Variants in MED4 observed in about 807,000 individuals in gnomAD.
MED4 encodes mediator complex subunit 4.
MED4 carries 21 observed loss-of-function variants against 35.0 expected under a neutral mutation model. The observed-to-expected ratio is 0.60, with a 90% CI of 0.43 to 0.86. The LOEUF is 0.86. Among genes scored for constraint, MED4 ranks in the 40% least tolerant of loss-of-function variants. The pLI is 0.00. For missense variants in MED4, 300 were observed against 319.4 expected (o/e 0.94, Z 0.46); for synonymous variants, 138 against 114.0 (o/e 1.21, Z -1.34).
intron 3 of MED4, 47 bp from the exon 4 acceptor site, chr13:48,083,475 T>A (rs538426051): frequency 6.5e-7 from 1 of 1,529,388 alleles, no homozygotes; most frequent in East Asian, 2.3e-5. Flanking sequence ...TTCAACTATA[T>A]CAAACTTAGT....
chr13:48,086,149 G>C (rs1950847042), intron 3 of MED4, 133 bp downstream of exon 3: 2 of 768,976 alleles, frequency 2.6e-6, no homozygotes, highest in South Asian at 3.7e-5. Flanking sequence ...ACTGGCAATG[G>C]TGAGTGACAA....
At chr13:48,077,820 ACTC>A (rs1482032126) in intron 6 of MED4, among the ~76,000 whole-genome samples, 1 of 152,078 alleles carries the variant, frequency 6.6e-6, no homozygotes, top group Non-Finnish European at 1.5e-5. Flanking sequence ...AAATCATACT[ACTC>A]TGTAAGAAAC....
At chr13:48,088,263 T>A (rs1950866848) in intron 2 of MED4, among the ~76,000 whole-genome samples, 2 of 152,232 alleles carry the variant, frequency 1.3e-5, no homozygotes, top group Non-Finnish European at 2.9e-5. Context: ...TCAGAATCAA[T>A]TTTAAAACTA....
chr13:48,088,095 T>C (rs549658346), intron 2 of MED4, among the ~76,000 whole-genome samples: 14 of 152,298 alleles, frequency 9.2e-5, no homozygotes, highest in East Asian at 1.9e-4. Flanking sequence ...TGAGGATTCA[T>C]GATATATTGC....
At chr13:48,085,393 G>T (rs565537089) in intron 3 of MED4, among the ~76,000 whole-genome samples, 1 of 152,032 alleles carries the variant, frequency 6.6e-6, no homozygotes. Context: ...GACTGGTCTC[G>T]AACTGAGACT....
At chr13:48,079,143 T>C (rs1950785209) in intron 6 of MED4, among the ~76,000 whole-genome samples, 1 of 152,172 alleles carries the variant, frequency 6.6e-6, no homozygotes, top group Admixed American at 6.5e-5. Context: ...CTCACAGAAA[T>C]ACTATTTTAT....
At chr13:48,085,558 C>T (rs1288192461) in intron 3 of MED4, among the ~76,000 whole-genome samples, 2 of 152,118 alleles carry the variant, frequency 1.3e-5, no homozygotes, top group African/African-American at 2.4e-5. Context: ...GATTAATTTA[C>T]CCTGAACTGC....
rs1327720548 is a variant in MED4, at chr13:48,079,943, C to T, written c.541G>A (p.Glu181Lys). Residue 181 changes from glutamate (E) to lysine (K), a missense_variant, in exon 6 of 7, where the codon GAG becomes AAG. Physicochemically the swap from Glu to Lys is moderately conservative, Grantham distance 56. Transcript: ENST00000258648. ...DPRRPYPTDLEMRSGLLGQMN... is the reference protein window; with the variant it reads ...DPRRPYPTDLKMRSGLLGQMN... ...TGACCCAGTAACCCACTTCTCATCT[C>T]TAAATCAGTTGGGTAGGGTCTCCGG... 6.2e-7 allele frequency: 1 copy of T among 1,613,908 alleles called. No individual in the cohort carries two copies. Among genetic ancestry groups the T allele is most frequent in the Non-Finnish European group, 8.5e-7 (1 of 1,179,838 alleles).
At position 48,080,468 on chromosome 13, in the gene MED4, T is replaced by C. The variant is rs368512044; in HGVS notation, c.509-493A>G. ...CTTATAAATTGTTATTAATAGCATA[T>C]TACTTTTTAAAATACACGCATTTTA... On this transcript the variant is annotated intron_variant, in intron 5 of 6. Coordinates refer to ENST00000258648, the MANE Select transcript of MED4 (RefSeq NM_014166.4). Among the ~76,000 whole-genome samples, 7 of 151,494 alleles carry C rather than the reference T, an allele frequency of 4.6e-5. No individual in the cohort carries two copies. In the East Asian group the frequency reaches 1.2e-3, roughly 25 times the overall value.
At chr13:48,080,258 G>T (rs1315636909) in intron 5 of MED4, among the ~76,000 whole-genome samples, 4 of 151,074 alleles carry the variant, frequency 2.6e-5, no homozygotes, top group African/African-American at 9.7e-5. Flanking sequence ...TTAGTCAGGC[G>T]TGGTGGCACG....
In MED4 at chr13:48,076,924, C is replaced by G; in HGVS notation, c.*215G>C. On this transcript the variant is annotated 3_prime_UTR_variant, in exon 7 of 7. Transcript: ENST00000258648. ...TTTTCAACAGTAAATTTTGACTATT[C>G]CCCTAAATATCTACCTAGTGGCTTA... The G allele has an allele frequency of 2.3e-6, 1 of 442,308 alleles. No homozygotes were observed. The highest frequency in any genetic ancestry group is 3.8e-5 in the South Asian group (1 of 26,264). The allele number at this position is 442,308 out of a possible 1,614,324, so 27.4% of individuals were successfully genotyped here.
At chr13:48,093,114 C>G (rs1258450165) in intron 1 of MED4, among the ~76,000 whole-genome samples, 1 of 152,164 alleles carries the variant, frequency 6.6e-6, no homozygotes, top group Non-Finnish European at 1.5e-5. Context: ...CACAATTCCC[C>G]ATAGAAATAA....
At chr13:48,088,268 A>G (rs1195019106) in intron 2 of MED4, among the ~76,000 whole-genome samples, 5 of 152,248 alleles carry the variant, frequency 3.3e-5, no homozygotes, top group Non-Finnish European at 5.9e-5. Context: ...ATCAATTTTA[A>G]AACTATTTAA....
intron 2 of MED4, among the ~76,000 whole-genome samples, chr13:48,087,447 A>G (rs1469619112): frequency 6.6e-6 from 1 of 152,218 alleles, no homozygotes; most frequent in Non-Finnish European, 1.5e-5. Context: ...CCAAGAACTT[A>G]AGAAAACTTT....
chr13:48,081,752 C>T (rs765164248), intron 4 of MED4, 21 bp from the exon 5 acceptor site: 2 of 1,494,878 alleles, frequency 1.3e-6, no homozygotes, highest in South Asian at 2.4e-5. Context: ...TTTAAGAGGA[C>T]AGTATAACCT....
intron 6 of MED4, among the ~76,000 whole-genome samples, chr13:48,078,012 G>A (rs1228875008): frequency 6.6e-6 from 1 of 152,086 alleles, no homozygotes; most frequent in Non-Finnish European, 1.5e-5. Flanking sequence ...AGATTTGAAT[G>A]ATTTCTTGAT....
In MED4 at chr13:48,077,033, T is replaced by C. The variant is rs1950764602; in HGVS notation, c.*106A>G. On this transcript the variant is annotated 3_prime_UTR_variant, in exon 7 of 7. Transcript: ENST00000258648. ...GACTGCACAATTCTACCAAAGCCAG[T>C]GTTTACCTGGGTATTTTTTGTCACC... 1 of 984,840 alleles carries C rather than the reference T, an allele frequency of 1.0e-6. No homozygotes were observed. Among genetic ancestry groups the C allele is most frequent in the Non-Finnish European group, 1.4e-6 (1 of 708,314 alleles). The allele number at this position is 984,840 out of a possible 1,614,324, so 61.0% of individuals were successfully genotyped here. A position where few individuals can be genotyped will look rare whatever the true frequency, so the allele number is the denominator to read the frequency against.
At chr13:48,083,075 A>C (rs1339423677) in intron 4 of MED4, among the ~76,000 whole-genome samples, 2 of 152,112 alleles carry the variant, frequency 1.3e-5, no homozygotes, top group Non-Finnish European at 2.9e-5. Context: ...CTTCTAACCC[A>C]TACTTCTCTT....
chr13:48,090,402 G>A lies in MED4; in HGVS notation c.142C>T (p.Leu48=). ...AACTTTTGGTTTCTTGAAATTGCCA[G>A]CATTTCTATAAGTTCCCTAAAAAAA... ...EVLSRELIEM[L]AISRNQKLLQ... Residue 48 remains leucine (L), a synonymous_variant, in exon 2 of 7, where the codon CTG becomes TTG. Transcript: ENST00000258648. 1 of 1,592,150 alleles carries A rather than the reference G, an allele frequency of 6.3e-7. No individual in the cohort carries two copies. Among genetic ancestry groups the A allele is most frequent in the Non-Finnish European group, 8.5e-7 (1 of 1,171,608 alleles).
Sources: allele counts gnomAD v4.1 joint callset (sites outside exome capture counted in the v4.1 genomes callset), GRCh38; gene constraint gnomAD v4.1.1; transcripts MANE v1.5; gene names NCBI Gene and HGNC (gene_info 2026-07-23, HGNC 2026-07-21).